Variants in PRDM5 observed in about 807,000 individuals in gnomAD.
The protein encoded by PRDM5 is PR/SET domain 5.
PRDM5 carries 56 observed loss-of-function variants against 81.2 expected under a neutral mutation model. The observed-to-expected ratio is 0.69, with a 90% CI of 0.56 to 0.86. PRDM5 has a LOEUF of 0.86. Among genes scored for constraint, PRDM5 ranks in the 40% least tolerant of loss-of-function variants. PRDM5 has a pLI of 0.00. For missense variants in PRDM5, 697 were observed against 770.1 expected (o/e 0.91, Z 1.12); for synonymous variants, 267 against 256.4 (o/e 1.04, Z -0.39).
At chr4:120,897,725 A>G (rs1007551175) in intron 2 of PRDM5, among the ~76,000 whole-genome samples, 8 of 152,226 alleles carry the variant, frequency 5.3e-5, no homozygotes, top group African/African-American at 1.7e-4. Flanking sequence ...CATACCTACT[A>G]TGTAATTTGC....
At chr4:120,709,814 TC>T (rs112481160) in intron 15 of PRDM5, among the ~76,000 whole-genome samples, 1,783 of 152,300 alleles carry the variant, frequency 0.012, 43 homozygotes, top group African/African-American at 0.039. Flanking sequence ...TCCATTTCAA[TC>T]CAAATGTCAT....
At chr4:120,728,023 G>A (rs1578495510) in intron 14 of PRDM5, among the ~76,000 whole-genome samples, 1 of 151,912 alleles carries the variant, frequency 6.6e-6, no homozygotes, top group Non-Finnish European at 1.5e-5. Flanking sequence ...ATCACAGCTG[G>A]TCCTTAGATG....
chr4:120,761,812 T>C (rs1298792830), intron 13 of PRDM5, among the ~76,000 whole-genome samples: 1 of 152,166 alleles, frequency 6.6e-6, no homozygotes, highest in Non-Finnish European at 1.5e-5. Context: ...CTGACCACTC[T>C]AGCAGAGGCA....
intron 14 of PRDM5, among the ~76,000 whole-genome samples, chr4:120,721,048 G>A (rs890023234): frequency 2.0e-5 from 3 of 152,158 alleles, no homozygotes; most frequent in African/African-American, 4.8e-5. Context: ...ACAGAATAGT[G>A]TGTATAAATG....
intron 13 of PRDM5, among the ~76,000 whole-genome samples, chr4:120,757,206 G>A (rs548432338): frequency 2.2e-4 from 33 of 152,208 alleles, no homozygotes; most frequent in Non-Finnish European, 3.8e-4. Flanking sequence ...TATAATATAG[G>A]AATTCTGTCC....
At chr4:120,761,753 A>C (rs1040226422) in intron 13 of PRDM5, among the ~76,000 whole-genome samples, 1 of 152,310 alleles carries the variant, frequency 6.6e-6, no homozygotes, top group Admixed American at 6.5e-5. Flanking sequence ...AAATCACTTT[A>C]ATCTTGATAA....
intron 10 of PRDM5, among the ~76,000 whole-genome samples, chr4:120,793,773 C>T (rs1750930326): frequency 6.6e-6 from 1 of 151,972 alleles, no homozygotes; most frequent in African/African-American, 2.4e-5. Flanking sequence ...TTAAAATTAA[C>T]AGAGTAGATT....
chr4:120,861,064 G>C (rs566020739), intron 2 of PRDM5, among the ~76,000 whole-genome samples: 2 of 152,314 alleles, frequency 1.3e-5, no homozygotes, highest in Non-Finnish European at 2.9e-5. Context: ...CTGGAGTGCA[G>C]AGGTGCAATC....
chr4:120,780,066 A>AAGAT (rs147992893), intron 12 of PRDM5, among the ~76,000 whole-genome samples: 5,274 of 152,202 alleles, frequency 0.035, 299 homozygotes, highest in African/African-American at 0.12. Flanking sequence ...AAGGACAGAT[A>AAGAT]AGATAGATAG....
intron 2 of PRDM5, among the ~76,000 whole-genome samples, chr4:120,903,553 A>G (rs989526104): frequency 1.3e-5 from 2 of 152,182 alleles, no homozygotes; most frequent in Non-Finnish European, 2.9e-5. Flanking sequence ...AAGACCTACC[A>G]CAGAATCTGT....
Position 120,789,292 on chromosome 4 carries a change from C to A in PRDM5, c.1189-4201G>T, listed in dbSNP as rs112672639. Among the ~76,000 whole-genome samples the A allele has an allele frequency of 2.3e-3, 354 of 152,152 alleles. 1 individual carries two copies. Among genetic ancestry groups the A allele is most frequent in the African/African-American group, 7.9e-3 (330 of 41,514 alleles). On this transcript the variant is annotated intron_variant, in intron 10 of 15. Transcript: ENST00000264808. The stretch of plus-strand genomic sequence containing the variant: ...CGAAAATGCTTCAGAAGGTTTCTGG[C>A]GTAATGTACATTAATTACCAGATTA...
At chr4:120,921,596 G>T (rs1296850489) in intron 1 of PRDM5, among the ~76,000 whole-genome samples, 2 of 152,142 alleles carry the variant, frequency 1.3e-5, no homozygotes, top group Non-Finnish European at 2.9e-5. Flanking sequence ...TACCTTACCT[G>T]AACAAGCCTG....
At chr4:120,876,174 TCACCACATGTATTGTGAGA>T (rs953205595) in intron 2 of PRDM5, among the ~76,000 whole-genome samples, 1 of 152,164 alleles carries the variant, frequency 6.6e-6, no homozygotes, top group Non-Finnish European at 1.5e-5. Flanking sequence ...CTTCCTTGGT[TCACCACATGTATTGTGAGA>T]CACGCACATC....
chr4:120,888,129 A>G (rs1237632223), intron 2 of PRDM5, among the ~76,000 whole-genome samples: 1 of 152,166 alleles, frequency 6.6e-6, no homozygotes, highest in East Asian at 1.9e-4. Flanking sequence ...TTATTATTTT[A>G]ACTAAACTTT....
chr4:120,876,908 A>G (rs1762382099), intron 2 of PRDM5, among the ~76,000 whole-genome samples: 1 of 152,168 alleles, frequency 6.6e-6, no homozygotes. Flanking sequence ...GCCATGGGAG[A>G]GCAGTCAAAT....
intron 8 of PRDM5, among the ~76,000 whole-genome samples, chr4:120,809,177 G>C (rs373750242): frequency 3.6e-4 from 55 of 152,064 alleles, no homozygotes; most frequent in South Asian, 2.1e-3. Flanking sequence ...CTCACTCATA[G>C]GTGGGAACTG....
At chr4:120,758,623 G>T (rs1252747742) in intron 13 of PRDM5, among the ~76,000 whole-genome samples, 3 of 152,086 alleles carry the variant, frequency 2.0e-5, no homozygotes, top group Non-Finnish European at 2.9e-5. Context: ...CCTTCACAGG[G>T]AGCATGGCCA....
At chr4:120,817,028 C>T (rs1343831174) in intron 5 of PRDM5, 104 bp from the exon 6 acceptor site, 2 of 952,090 alleles carry the variant, frequency 2.1e-6, no homozygotes, top group African/African-American at 1.6e-5. Flanking sequence ...TTCGTGATCC[C>T]TTTTTTCATT....
chr4:120,765,068 G>T (rs1578646471), intron 13 of PRDM5, among the ~76,000 whole-genome samples: 1 of 151,944 alleles, frequency 6.6e-6, no homozygotes, highest in African/African-American at 2.4e-5. Flanking sequence ...TTTTTATAAT[G>T]TTGGACAAAT....
Sources: allele counts gnomAD v4.1 joint callset (sites outside exome capture counted in the v4.1 genomes callset), GRCh38; gene constraint gnomAD v4.1.1; transcripts MANE v1.5; gene names NCBI Gene and HGNC (gene_info 2026-07-23, HGNC 2026-07-21).